The following ZNF516 variants were observed in gnomAD, a reference collection of about 807,000 sequenced individuals.
ZNF516 encodes the protein zinc finger protein 516.
A neutral mutation model predicts 79.7 loss-of-function variants in ZNF516; 19 were observed. The ratio of observed to expected loss-of-function variants is 0.24; its 90% CI spans 0.17 to 0.35. ZNF516 has a LOEUF of 0.35. Among genes scored for constraint, ZNF516 ranks in the 10% least tolerant of loss-of-function variants. The pLI, the probability that ZNF516 is intolerant of heterozygous loss-of-function variation, is 1.00. For missense variants in ZNF516, 1,678 were observed against 1,679.5 expected, an observed-to-expected ratio of 1.00 and a Z score of 0.02; for synonymous variants, 877 against 739.5, an observed-to-expected ratio of 1.19 and a Z score of -3.02.
At chr18:76,461,645 C>A (rs964673155) in intron 2 of ZNF516, among the ~76,000 whole-genome samples, 1 of 152,238 alleles carries the variant, frequency 6.6e-6, no homozygotes, top group African/African-American at 2.4e-5. Context: ...AGAAAACATA[C>A]ATCGGGTGCT....
At chr18:76,414,295 T>G (rs994299842) in intron 3 of ZNF516, among the ~76,000 whole-genome samples, 1 of 152,242 alleles carries the variant, frequency 6.6e-6, no homozygotes, top group Non-Finnish European at 1.5e-5. Context: ...AAGTACGATT[T>G]CACTGAAAAA....
At chr18:76,423,331 A>G (rs1240682888) in intron 3 of ZNF516, among the ~76,000 whole-genome samples, 1 of 152,264 alleles carries the variant, frequency 6.6e-6, no homozygotes, top group African/African-American at 2.4e-5. Context: ...TAAGTCCGCA[A>G]TGTGAACTGA....
chr18:76,371,874 G>C (rs1428585127), intron 4 of ZNF516, among the ~76,000 whole-genome samples: 1 of 152,202 alleles, frequency 6.6e-6, no homozygotes, highest in Non-Finnish European at 1.5e-5. Context: ...ACTGCAGGCT[G>C]GGCACAGCCA....
At chr18:76,396,597 G>C (rs969949887) in intron 3 of ZNF516, among the ~76,000 whole-genome samples, 16 of 152,170 alleles carry the variant, frequency 1.1e-4, no homozygotes, top group Admixed American at 5.2e-4. Context: ...TGTCCTGAAA[G>C]GGGGAAACTT....
intron 6 of ZNF516, among the ~76,000 whole-genome samples, chr18:76,363,010 A>G (rs1434994214): frequency 4.6e-5 from 7 of 152,226 alleles, no homozygotes; most frequent in Admixed American, 4.6e-4. Flanking sequence ...CATACAAACA[A>G]AAAGAAGAGC....
In ZNF516 at chr18:76,467,075, T is replaced by G. The variant is rs1913519629; in HGVS notation, c.-271-3934A>C. Among the ~76,000 whole-genome samples, 1 of 152,026 alleles carries G rather than the reference T, an allele frequency of 6.6e-6. No homozygotes were observed. Among genetic ancestry groups the G allele is most frequent in the Admixed American group, 6.5e-5 (1 of 15,274 alleles). ...AAGTAAAATCAGGCAGAGGCAGCCG[T>G]GGCCTCGCTGAACCTGCAGCTGACA... On this transcript the variant is annotated intron_variant, in intron 1 of 6. Coordinates refer to ENST00000443185, the MANE Select transcript of ZNF516 (RefSeq NM_014643.4). The surrounding 1 kb of genome is among the most constrained non-coding windows in gnomAD (Gnocchi z 4.2).
chr18:76,470,478 G>A (rs569773688), intron 1 of ZNF516, among the ~76,000 whole-genome samples: 1 of 152,282 alleles, frequency 6.6e-6, no homozygotes, highest in East Asian at 1.9e-4. Flanking sequence ...TCTGATCCAA[G>A]GAGCCCTTAT....
chr18:76,378,886 C>G lies in ZNF516; in HGVS notation c.3228G>C (p.Trp1076Cys). The G allele has an allele frequency of 6.2e-7, 1 of 1,613,540 alleles. No homozygotes were observed. Among genetic ancestry groups the G allele is most frequent in the Non-Finnish European group, 8.5e-7 (1 of 1,179,696 alleles). ...PKDFATLYQGWGVSGPGLEHR... is the reference protein window; with the variant it reads ...PKDFATLYQGCGVSGPGLEHR... ...GCTCCAACCCAGGGCCGCTGACACC[C>G]CATCCCTGGTAGAGGGTCGCAAAGT... Residue 1076 changes from tryptophan (W) to cysteine (C), a missense_variant, in exon 4 of 7, where the codon TGG becomes TGC. Transcript: ENST00000443185.
intron 3 of ZNF516, among the ~76,000 whole-genome samples, chr18:76,417,989 T>TA (rs2075454297): frequency 1.3e-5 from 2 of 152,358 alleles, no homozygotes; most frequent in South Asian, 4.1e-4. Flanking sequence ...GCTTTTTCGG[T>TA]AAAAATAAAC....
chr18:76,404,694 TGTGAGC>T (rs1280050736), intron 3 of ZNF516, among the ~76,000 whole-genome samples: 37 of 151,942 alleles, frequency 2.4e-4, no homozygotes, highest in African/African-American at 8.7e-4. Context: ...TGAGCATGAG[TGTGAGC>T]ATGAGCATAT....
intron 1 of ZNF516, among the ~76,000 whole-genome samples, chr18:76,481,184 C>A (rs558686513): frequency 6.6e-6 from 1 of 152,236 alleles, no homozygotes; most frequent in East Asian, 1.9e-4. Context: ...CACCAGCTCA[C>A]TGGGATGGCT....
intron 1 of ZNF516, among the ~76,000 whole-genome samples, chr18:76,478,178 A>G (rs1057073675): frequency 2.0e-5 from 3 of 152,236 alleles, no homozygotes; most frequent in Non-Finnish European, 2.9e-5. Flanking sequence ...ATTCATAAAG[A>G]GAGTGACAAA....
At chr18:76,458,637 ATGCCTCACCGTCGTGCG>A in intron 2 of ZNF516, among the ~76,000 whole-genome samples, 1 of 138,560 alleles carries the variant, frequency 7.2e-6, no homozygotes, top group Non-Finnish European at 1.6e-5. Context: ...GTGCGTGTGC[ATGCCTCACCGTCGTGCG>A]TGTGCGTGCC....
chr18:76,458,771 T>TCGTGTGCGTGCCTCACCGTCGTG (rs1336007492), intron 2 of ZNF516, among the ~76,000 whole-genome samples: 9 of 128,642 alleles, frequency 7.0e-5, no homozygotes, highest in South Asian at 4.8e-4. Flanking sequence ...TGTGTGTGCC[T>TCGTGTGCGTGCCTCACCGTCGTG]CGTGTGCGTG....
chr18:76,395,418 T>A (rs1043360830), intron 3 of ZNF516, among the ~76,000 whole-genome samples: 8 of 152,158 alleles, frequency 5.3e-5, no homozygotes, highest in African/African-American at 1.9e-4. Flanking sequence ...GTAGGAGTCA[T>A]TTAATATCCA....
Position 76,370,557 on chromosome 18 carries a change from G to A in ZNF516, c.3403C>T (p.His1135Tyr), listed in dbSNP as rs756435415. Residue 1135 changes from histidine to tyrosine, a missense_variant, in exon 6 of 7, where the codon CAT becomes TAT. This residue lies in a region of ZNF516 where 1,294 missense variants were observed against 1,248.3 expected (regional missense o/e 1.04). Transcript: ENST00000443185. ...TTGGGGGCGTCTGCGGAGGTGGTAT[G>A]AACTTCAGAACCCCGAGGCCCATCG... ...ESDGPRGSEVHTTSADAPKQG... is the reference protein window; with the variant it reads ...ESDGPRGSEVYTTSADAPKQG... 1 of 1,608,172 alleles carries A rather than the reference G, an allele frequency of 6.2e-7. No homozygotes were observed. Among genetic ancestry groups the A allele is most frequent in the Non-Finnish European group, 8.5e-7 (1 of 1,176,990 alleles).
At chr18:76,466,961 G>A (rs535676083) in intron 1 of ZNF516, among the ~76,000 whole-genome samples, 12 of 152,320 alleles carry the variant, frequency 7.9e-5, no homozygotes, top group African/African-American at 1.9e-4. Flanking sequence ...CAGCCTCACA[G>A]GGAAGGACCA....
chr18:76,449,983 T>A (rs922826092), intron 2 of ZNF516, among the ~76,000 whole-genome samples: 2 of 152,224 alleles, frequency 1.3e-5, no homozygotes, highest in East Asian at 3.8e-4. Flanking sequence ...GAACTCTTCG[T>A]AGAAATTAAA....
At chr18:76,426,531 C>CT (rs34904189) in intron 3 of ZNF516, among the ~76,000 whole-genome samples, 32,671 of 151,628 alleles carry the variant, frequency 0.22, 3,621 homozygotes, top group South Asian at 0.29. Flanking sequence ...CATACATAAA[C>CT]TTTTTTTTTA....
Sources: allele counts gnomAD v4.1 joint callset (sites outside exome capture counted in the v4.1 genomes callset), GRCh38; gene constraint gnomAD v4.1.1; regional missense constraint gnomAD v4.1.1; non-coding constraint Gnocchi (gnomAD v3.1); transcripts MANE v1.5; gene names NCBI Gene and HGNC (gene_info 2026-07-23, HGNC 2026-07-21).